BBOF1: variants seen among roughly 807,000 people sequenced by gnomAD.
BBOF1 encodes the protein basal body-orientation factor 1.
In BBOF1, 62 loss-of-function variants were observed where a neutral mutation model predicts 68.0. The ratio of observed to expected loss-of-function variants is 0.91; its 90% CI spans 0.74 to 1.13. The LOEUF is 1.13. BBOF1 is among the 50% of genes most tolerant of loss of function. The pLI, the probability that BBOF1 is intolerant of heterozygous loss-of-function variation, is 0.00. For synonymous variants in BBOF1, 208 were observed against 198.8 expected, an observed-to-expected ratio of 1.05 and a Z score of -0.39; for missense variants, 534 against 600.1, an observed-to-expected ratio of 0.89 and a Z score of 1.15.
At chr14:74,066,770 T>C (rs761933511), downstream of BBOF1, 3 of 1,614,138 alleles carry the variant, frequency 1.9e-6, no homozygotes, top group Admixed American at 5.0e-5. Flanking sequence ...ACTTTAATTT[T>C]TCGTCCATCA....
chr14:74,061,205 C>T (rs562571496), intron 11 of BBOF1, among the ~76,000 whole-genome samples: 45 of 151,740 alleles, frequency 3.0e-4, no homozygotes, highest in Non-Finnish European at 5.4e-4. Flanking sequence ...CTCGAACTCC[C>T]GGCCTCAAGT....
intron 7 of BBOF1, among the ~76,000 whole-genome samples, chr14:74,049,379 TA>T (rs35753773): frequency 2.0e-5 from 3 of 150,454 alleles, no homozygotes; most frequent in Non-Finnish European, 3.0e-5. Context: ...CTGGAATGAT[TA>T]AAAAAAAAAT....
At chr14:74,057,906 T>C in intron 11 of BBOF1, 5 of 995,590 alleles carry the variant, frequency 5.0e-6, no homozygotes, top group Non-Finnish European at 6.0e-6. Flanking sequence ...TGTGTTTTTT[T>C]AGAAGTGATT....
At chr14:74,040,483 T>C in intron 4 of BBOF1, 82 bp from the exon 5 acceptor site, 1 of 840,830 alleles carries the variant, frequency 1.2e-6, no homozygotes, top group Non-Finnish European at 1.9e-6. Context: ...AAGCATTTCC[T>C]TATTGATAAT....
downstream of BBOF1, chr14:74,069,101 C>CTTTTTTTTTTTTTTTTTTTTTTTTT (rs900873855): frequency 7.8e-6 from 3 of 383,114 alleles, no homozygotes; most frequent in African/African-American, 3.2e-5. Context: ...TTTACTTTTT[C>CTTTTTTTTTTTTTTTTTTTTTTTTT]TTTTTTTTTT....
chr14:74,023,846 G>T (rs1431249224), intron 2 of BBOF1, among the ~76,000 whole-genome samples: 2 of 150,798 alleles, frequency 1.3e-5, no homozygotes, highest in African/African-American at 4.9e-5. Context: ...AACCCGGGAG[G>T]CAGAGGTTGC....
At position 74,057,040 on chromosome 14, in the gene BBOF1, T is replaced by A. The variant is rs530091592; in HGVS notation, c.1463+60T>A. The A allele has an allele frequency of 6.9e-6, 11 of 1,588,314 alleles. No homozygotes were observed. In the South Asian group the frequency reaches 1.1e-4, roughly 16 times the overall value. On this transcript the variant is annotated intron_variant, in intron 10 of 11. Coordinates refer to ENST00000394009, the MANE Select transcript of BBOF1 (RefSeq NM_025057.3). ...CCCAACACGATGGTTCTTGTGGGCA[T>A]CTTGAATGTGCTAATTGAAAGTAAT...
chr14:74,032,220 G>A (rs913307868), intron 3 of BBOF1, among the ~76,000 whole-genome samples: 2 of 143,020 alleles, frequency 1.4e-5, no homozygotes, highest in African/African-American at 5.2e-5. Context: ...TCCGCCTCCC[G>A]GGTTCAAGCG....
intron 1 of BBOF1, among the ~76,000 whole-genome samples, chr14:74,020,027 A>G (rs983900221): frequency 4.6e-5 from 7 of 152,254 alleles, no homozygotes; most frequent in Non-Finnish European, 8.8e-5. Flanking sequence ...GATGTTTGTA[A>G]AGTAACTTAA....
At chr14:74,044,813 T>A (rs574336597) in intron 5 of BBOF1, among the ~76,000 whole-genome samples, 4 of 152,164 alleles carry the variant, frequency 2.6e-5, no homozygotes, top group Admixed American at 2.6e-4. Context: ...TAATCCCAGG[T>A]ACTCGAGAGG....
chr14:74,062,400 G>A (rs1423013293), intron 11 of BBOF1, among the ~76,000 whole-genome samples: 1 of 151,066 alleles, frequency 6.6e-6, no homozygotes, highest in African/African-American at 2.4e-5. Context: ...TAAGGAGGTC[G>A]AGACCAGCCT....
At chr14:74,022,703 A>T (rs1436018558) in intron 1 of BBOF1, among the ~76,000 whole-genome samples, 1 of 152,154 alleles carries the variant, frequency 6.6e-6, no homozygotes, top group Non-Finnish European at 1.5e-5. Flanking sequence ...ACAAGTGAAT[A>T]TGTATTTCTT....
At chr14:74,033,791 G>A (rs558774616) in intron 3 of BBOF1, among the ~76,000 whole-genome samples, 383 of 152,112 alleles carry the variant, frequency 2.5e-3, no homozygotes, top group Non-Finnish European at 4.0e-3. Flanking sequence ...GCGTGAACCC[G>A]GGAGGTGGAG....
intron 5 of BBOF1, among the ~76,000 whole-genome samples, chr14:74,042,875 C>G (rs1474705883): frequency 4.7e-5 from 5 of 106,574 alleles, no homozygotes; most frequent in Non-Finnish European, 7.1e-5. Flanking sequence ...CACACACACA[C>G]ACAGACACAC....
intron 8 of BBOF1, among the ~76,000 whole-genome samples, chr14:74,050,448 C>G (rs2060041353): frequency 6.6e-6 from 1 of 152,014 alleles, no homozygotes; most frequent in East Asian, 1.9e-4. Flanking sequence ...ACTATTTTTC[C>G]CATAGGTTGT....
In BBOF1 at chr14:74,064,956, CAAAGG is replaced by C. The variant is rs2060436125; in HGVS notation, c.*260_*264del. The stretch of plus-strand genomic sequence containing the variant: ...ACAAATCCGTGTCATATCCTAAGGA[CAAAGG>C]AACTCTCCATTTAGAAACACAAAGG... On this transcript the variant is annotated 3_prime_UTR_variant, in exon 12 of 12. Transcript: ENST00000394009. 2 of 1,577,836 alleles carry C rather than the reference CAAAGG, an allele frequency of 1.3e-6. No homozygotes were observed. Among genetic ancestry groups the C allele is most frequent in the African/African-American group, 2.7e-5 (2 of 74,050 alleles).
exon 10 of BBOF1, chr14:74,078,245 C>T: frequency 4.4e-6 from 2 of 456,030 alleles, no homozygotes; most frequent in Middle Eastern, 3.3e-4. Flanking sequence ...TACTAGCAAA[C>T]CTACAAAACT....
intron 9 of BBOF1, chr14:74,071,875 C>T: frequency 6.2e-7 from 1 of 1,612,874 alleles, no homozygotes; most frequent in East Asian, 2.2e-5. Context: ...CCAAAAGTCC[C>T]ATAAGGGGCT....
At chr14:74,072,819 CAG>C (rs2060569074) in intron 9 of BBOF1, among the ~76,000 whole-genome samples, 1 of 151,588 alleles carries the variant, frequency 6.6e-6, no homozygotes, top group South Asian at 2.1e-4. Context: ...TTTTTTGAGA[CAG>C]AGTTTCGCTC....
Sources: gnomAD v4.1 joint callset for allele counts (sites outside exome capture counted in the v4.1 genomes callset) on GRCh38, gnomAD v4.1.1 for gene constraint, MANE v1.5 for transcripts, NCBI Gene and HGNC (gene_info 2026-07-23, HGNC 2026-07-21) for gene names.